The following FOXK1 variants were observed in gnomAD, a reference collection of about 807,000 sequenced individuals.
FOXK1 encodes forkhead box protein K1.
A neutral mutation model predicts 51.9 loss-of-function variants in FOXK1; 19 were observed. The observed-to-expected ratio is 0.37, with a 90% CI of 0.26 to 0.54. The LOEUF is 0.54. FOXK1 is among the 20% of genes least tolerant of loss of function. FOXK1 has a pLI of 0.87. For synonymous variants in FOXK1, 537 were observed against 482.6 expected, an observed-to-expected ratio of 1.11 and a Z score of -1.48; for missense variants, 870 against 1,032.7, an observed-to-expected ratio of 0.84 and a Z score of 2.16.
At chr7:4,718,446 A>G (rs1478843709) in intron 1 of FOXK1, among the ~76,000 whole-genome samples, 1 of 152,008 alleles carries the variant, frequency 6.6e-6, no homozygotes, top group Non-Finnish European at 1.5e-5. Flanking sequence ...ATTCCTTTTT[A>G]TTGCTGAGAT....
chr7:4,696,229 A>C (rs937667589), intron 1 of FOXK1, among the ~76,000 whole-genome samples: 1 of 152,098 alleles, frequency 6.6e-6, no homozygotes, highest in Admixed American at 6.6e-5. Flanking sequence ...CAAAGGAAAG[A>C]CGCAAATCAT....
In FOXK1 at chr7:4,765,993, G is replaced by T. The variant is rs1186204599; in HGVS notation, c.*3529G>T. ...TGTCCACGGAGCCGCGGGGCCAGAG[G>T]AGCTCAGGGAGACCTGGCTGTCTAG... On this transcript the variant is annotated 3_prime_UTR_variant, in exon 9 of 9. Coordinates refer to ENST00000328914, the MANE Select transcript of FOXK1 (RefSeq NM_001037165.2). The T allele has an allele frequency of 3.3e-5, 5 of 152,296 alleles. No homozygotes were observed. Among genetic ancestry groups the T allele is most frequent in the African/African-American group, 1.2e-4 (5 of 41,458 alleles). The allele number at this position is 152,296 out of a possible 1,614,324, so 9.4% of individuals were successfully genotyped here. A position where few individuals can be genotyped will look rare whatever the true frequency, so the allele number is the denominator to read the frequency against.
Position 4,743,537 on chromosome 7 carries a change from G to A in FOXK1, c.746+2514G>A, listed in dbSNP as rs1157926158. ...TGCACTCCAGCCCGGGCGATAGAGC[G>A]AGACTCCATTTCTCAGTAAATAAAT... is the stretch of plus-strand genomic sequence containing the variant. On this transcript the variant is annotated intron_variant, in intron 2 of 8. Coordinates refer to ENST00000328914, the MANE Select transcript of FOXK1 (RefSeq NM_001037165.2). This position sits in a 1 kb window ranked among gnomAD's most constrained non-coding sequence, Gnocchi z 5.3. 6.6e-6 allele frequency among the ~76,000 whole-genome samples: 1 copy of A among 152,222 alleles called. No individual in the cohort carries two copies. The highest frequency in any genetic ancestry group is 1.9e-4 in the East Asian group (1 of 5,188).
rs1232345280 is a variant in FOXK1, at chr7:4,743,879, C to CCTT, written c.746+2856_746+2857insCTT. Among the ~76,000 whole-genome samples the CCTT allele has an allele frequency of 2.2e-5, 3 of 136,872 alleles. No individual in the cohort carries two copies. Among genetic ancestry groups the CCTT allele is most frequent in the African/African-American group, 2.6e-5 (1 of 38,188 alleles). 89.8% of individuals were successfully genotyped at this position (136,872 alleles called of 152,430 possible). A position where few individuals can be genotyped will look rare whatever the true frequency, so the allele number is the denominator to read the frequency against. On this transcript the variant is annotated intron_variant, in intron 2 of 8. Transcript: ENST00000328914. This position sits in a 1 kb window ranked among gnomAD's most constrained non-coding sequence, Gnocchi z 5.3. ...AGGTTGTAATCCAGCTAAACAGAAG[C>CCTT]TTTTTTTTTTTTTTTGAGACGGAGT...
rs1011944331 is a variant in FOXK1 at position 4,722,714 on chromosome 7, C to T, written c.561-18124C>T. Among the ~76,000 whole-genome samples the T allele has an allele frequency of 1.3e-5, 2 of 152,206 alleles. No homozygotes were observed. Among genetic ancestry groups the T allele is most frequent in the Non-Finnish European group, 2.9e-5 (2 of 68,040 alleles). ...TCGTAGGAGACCCACCTCAGATGCT[C>T]GGGTGCACATCTGGGGAGAGTCAAC... On this transcript the variant is annotated intron_variant, in intron 1 of 8. Coordinates refer to ENST00000328914, the MANE Select transcript of FOXK1 (RefSeq NM_001037165.2). This position sits in a 1 kb window ranked among gnomAD's most constrained non-coding sequence, Gnocchi z 5.1.
rs1293954577 is a variant in FOXK1 at position 4,683,476 on chromosome 7, G to A, written c.560+608G>A. On this transcript the variant is annotated intron_variant, in intron 1 of 8. Transcript: ENST00000328914. The surrounding 1 kb of genome is among the most constrained non-coding windows in gnomAD (Gnocchi z 4.5). Reference sequence around the variant, plus strand: ...TAACCCCACAAGCCTGGGCTCGCAGGGCCACTCCCACCCCAGCTCCACCCA... The same window carrying A: ...TAACCCCACAAGCCTGGGCTCGCAGAGCCACTCCCACCCCAGCTCCACCCA... Among the ~76,000 whole-genome samples, 1 of 151,642 alleles carries A rather than the reference G, an allele frequency of 6.6e-6. No individual in the cohort carries two copies. The highest frequency in any genetic ancestry group is 1.5e-5 in the Non-Finnish European group (1 of 67,860).
chr7:4,750,544 G>A (rs1314073289), intron 2 of FOXK1, among the ~76,000 whole-genome samples: 23 of 151,296 alleles, frequency 1.5e-4, no homozygotes, highest in Non-Finnish European at 2.9e-4. Flanking sequence ...CCAGGTTCAC[G>A]CCATTCTCCT....
intron 1 of FOXK1, among the ~76,000 whole-genome samples, chr7:4,697,033 C>T (rs549605262): frequency 3.3e-5 from 5 of 152,188 alleles, no homozygotes; most frequent in East Asian, 1.9e-4. Flanking sequence ...ATCCTGCCAC[C>T]GCACTCCAGC....
In FOXK1 at chr7:4,758,433, A is replaced by T. The variant is rs1270102819; in HGVS notation, c.1245-618A>T. 3 of 152,340 alleles carry T rather than the reference A, an allele frequency of 2.0e-5. No individual in the cohort carries two copies. Among genetic ancestry groups the T allele is most frequent in the African/African-American group, 7.2e-5 (3 of 41,454 alleles). 9.4% of individuals were successfully genotyped at this position (152,340 alleles called of 1,614,324 possible). A position where few individuals can be genotyped will look rare whatever the true frequency, so the allele number is the denominator to read the frequency against. On this transcript the variant is annotated intron_variant, in intron 5 of 8. Transcript: ENST00000328914. The surrounding 1 kb of genome is among the most constrained non-coding windows in gnomAD (Gnocchi z 4.4). ...GATCTCCTGAGCGGCAGTCTCGGAA[A>T]TCCTTCCCCGTGGAAGGACACGTTA... is the stretch of plus-strand genomic sequence containing the variant.
intron 1 of FOXK1, among the ~76,000 whole-genome samples, chr7:4,706,943 GT>G (rs990189810): frequency 3.3e-4 from 50 of 152,336 alleles, no homozygotes; most frequent in Middle Eastern, 3.4e-3. Context: ...AAGGAGGGCT[GT>G]GCCCTAGACT....
At chr7:4,737,513 C>T (rs548219537) in intron 1 of FOXK1, among the ~76,000 whole-genome samples, 28 of 149,464 alleles carry the variant, frequency 1.9e-4, no homozygotes, top group African/African-American at 6.4e-4. Flanking sequence ...TGGGCGTGTC[C>T]GTGCATGCAT....
intron 1 of FOXK1, among the ~76,000 whole-genome samples, chr7:4,728,683 G>A (rs1780411233): frequency 1.6e-5 from 2 of 126,300 alleles, no homozygotes; most frequent in South Asian, 5.4e-4. Context: ...TTGAGGCCAG[G>A]AATTTGAGGC....
rs1025861221 is a variant in FOXK1, at chr7:4,731,110, C to G, written c.561-9728C>G. On this transcript the variant is annotated intron_variant, in intron 1 of 8. Coordinates refer to ENST00000328914, the MANE Select transcript of FOXK1 (RefSeq NM_001037165.2). The surrounding 1 kb of genome is among the most constrained non-coding windows in gnomAD (Gnocchi z 5.3). ...TTCAGGCCTTATCTGATGTGGCCCA[C>G]CCTGGGACCGTCACCTGACTTCCTG... 6.6e-6 allele frequency among the ~76,000 whole-genome samples: 1 copy of G among 152,196 alleles called. No individual in the cohort carries two copies. The highest frequency in any genetic ancestry group is 2.4e-5 in the African/African-American group (1 of 41,454).
intron 1 of FOXK1, among the ~76,000 whole-genome samples, chr7:4,706,006 A>ATATATATATACGTATATATACGTG: frequency 1.0e-5 from 1 of 100,228 alleles, no homozygotes; most frequent in African/African-American, 6.8e-5. Context: ...ATATATACGT[A>ATATATATATACGTATATATACGTG]TATATACGTA....
At position 4,703,885 on chromosome 7, in the gene FOXK1, T is replaced by G. The variant is rs1185136283; in HGVS notation, c.560+21017T>G. On this transcript the variant is annotated intron_variant, in intron 1 of 8. Coordinates refer to ENST00000328914, the MANE Select transcript of FOXK1 (RefSeq NM_001037165.2). The surrounding 1 kb of genome is among the most constrained non-coding windows in gnomAD (Gnocchi z 5.6). The stretch of plus-strand genomic sequence containing the variant: ...GTAACATATGGCAGTCACATTACAT[T>G]ATGACCATGAAGGCTAAATACTCCC... 2.6e-5 allele frequency among the ~76,000 whole-genome samples: 4 copies of G among 152,096 alleles called. No individual in the cohort carries two copies. Among genetic ancestry groups the G allele is most frequent in the Non-Finnish European group, 5.9e-5 (4 of 68,010 alleles).
Position 4,738,500 on chromosome 7 carries a change from G to A in FOXK1, c.561-2338G>A, listed in dbSNP as rs1289990170. Among the ~76,000 whole-genome samples the A allele has an allele frequency of 4.6e-5, 7 of 152,176 alleles. No individual in the cohort carries two copies. In the East Asian group the frequency reaches 1.4e-3, roughly 29 times the overall value. On this transcript the variant is annotated intron_variant, in intron 1 of 8. Transcript: ENST00000328914. ...CTTTCTAGTCAAAATACTGATGCAG[G>A]AAATCTCCACTGGGCTGGACTGAAG...
At position 4,749,498 on chromosome 7, in the gene FOXK1, G is replaced by A. The variant is rs530368862; in HGVS notation, c.747-4961G>A. Among the ~76,000 whole-genome samples, 47 of 152,286 alleles carry A rather than the reference G, an allele frequency of 3.1e-4. No individual in the cohort carries two copies. The highest frequency in any genetic ancestry group is 9.9e-4 in the African/African-American group (41 of 41,576). ...GAGGCTTCAGGTGCCGCCTTGGGAC[G>A]CAAAGGTCATCGCAGACCCCCGCAG... On this transcript the variant is annotated intron_variant, in intron 2 of 8. Coordinates refer to ENST00000328914, the MANE Select transcript of FOXK1 (RefSeq NM_001037165.2). The surrounding 1 kb of genome is among the most constrained non-coding windows in gnomAD (Gnocchi z 6.0).
chr7:4,752,186 C>T (rs1454031870), intron 2 of FOXK1, among the ~76,000 whole-genome samples: 6 of 152,254 alleles, frequency 3.9e-5, no homozygotes, highest in Admixed American at 3.9e-4. Context: ...CAGGGTCTTG[C>T]TCCGCCAGAG....
chr7:4,712,518 C>G (rs928155526), intron 1 of FOXK1, among the ~76,000 whole-genome samples: 1 of 152,144 alleles, frequency 6.6e-6, no homozygotes. Context: ...TCAGAGGCAG[C>G]TGAACCCATT....
Sources: gnomAD v4.1 joint callset for allele counts (sites outside exome capture counted in the v4.1 genomes callset) on GRCh38, gnomAD v4.1.1 for gene constraint, Gnocchi (gnomAD v3.1) non-coding constraint, MANE v1.5 for transcripts, NCBI Gene and HGNC (gene_info 2026-07-23, HGNC 2026-07-21) for gene names.